Variants in RFPL1 observed in about 807,000 individuals in gnomAD.
The protein encoded by RFPL1 is ret finger protein-like 1.
RFPL1 carries 6 observed loss-of-function variants against 9.6 expected under a neutral mutation model. That is an observed-to-expected ratio of 0.62 (90% CI 0.34 to 1.23). RFPL1 has a LOEUF of 1.23. Ranked by LOEUF, RFPL1 falls within the 50% of genes most tolerant of loss-of-function variation. RFPL1 has a pLI of 0.03. For missense variants in RFPL1, 352 were observed against 398.4 expected (o/e 0.88, Z 0.99); for synonymous variants, 145 against 149.4 (o/e 0.97, Z 0.22).
the RFPL1 span, among the ~76,000 whole-genome samples, chr22:29,395,778 G>A: frequency 6.6e-6 from 1 of 152,098 alleles, no homozygotes; most frequent in African/African-American, 2.4e-5. Flanking sequence ...TTCCAGACCA[G>A]CCTGGCCAAT....
chr22:29,420,229 T>C, the RFPL1 span, among the ~76,000 whole-genome samples: 38 of 152,342 alleles, frequency 2.5e-4, no homozygotes, highest in African/African-American at 8.4e-4. Context: ...AACTTCATGA[T>C]GTGAGAAAAA....
At chr22:29,428,872 T>C in the RFPL1 span, among the ~76,000 whole-genome samples, 1 of 152,080 alleles carries the variant, frequency 6.6e-6, no homozygotes, top group East Asian at 1.9e-4. Context: ...TAGCAATAAA[T>C]GCTGACAGCA....
At chr22:29,434,332 A>G (rs569335597), upstream of RFPL1, 2 of 152,412 alleles carry the variant, frequency 1.3e-5, no homozygotes, top group East Asian at 3.9e-4. Context: ...ACTATGAACA[A>G]GAGGGATTTG....
upstream of RFPL1, among the ~76,000 whole-genome samples, chr22:29,434,103 C>A (rs1182186183): frequency 6.6e-6 from 1 of 152,146 alleles, no homozygotes; most frequent in African/African-American, 2.4e-5. Flanking sequence ...CCTCCCACCT[C>A]AATCTCCCAA....
upstream of RFPL1, chr22:29,434,413 T>C: frequency 6.4e-6 from 1 of 155,058 alleles, no homozygotes; most frequent in South Asian, 2.1e-4. Flanking sequence ...TTCTATTTGC[T>C]GATTTACCTT....
chr22:29,406,729 C>G, the RFPL1 span, among the ~76,000 whole-genome samples: 1 of 152,192 alleles, frequency 6.6e-6, no homozygotes, highest in Non-Finnish European at 1.5e-5. Flanking sequence ...TATCCTCTGC[C>G]AGCAACATGT....
chr22:29,442,204 C>T (rs553887798), exon 2 of RFPL1: 9 of 1,030,628 alleles, frequency 8.7e-6, no homozygotes, highest in East Asian at 4.9e-5. Context: ...TCGGTAAAAG[C>T]GTTATACAAA....
chr22:29,388,739 T>C, the RFPL1 span, among the ~76,000 whole-genome samples: 4 of 152,166 alleles, frequency 2.6e-5, no homozygotes, highest in African/African-American at 4.8e-5. Flanking sequence ...CGCAGAGCCC[T>C]TGGGAAACCA....
chr22:29,436,955 A>G (rs554134392), upstream of RFPL1: 1 of 152,486 alleles, frequency 6.6e-6, no homozygotes, highest in East Asian at 1.9e-4. Flanking sequence ...CCCACTACAC[A>G]GAAAGGCATG....
chr22:29,400,852 C>T, the RFPL1 span, among the ~76,000 whole-genome samples: 2 of 152,174 alleles, frequency 1.3e-5, no homozygotes, highest in Non-Finnish European at 2.9e-5. Context: ...AAATATGGCT[C>T]TGTTGATTGG....
At chr22:29,410,507 AG>A in the RFPL1 span, among the ~76,000 whole-genome samples, 1 of 115,692 alleles carries the variant, frequency 8.6e-6, no homozygotes, top group Non-Finnish European at 1.7e-5. Flanking sequence ...CTATATATAG[AG>A]AGATATATAT....
chr22:29,395,567 A>G, the RFPL1 span, among the ~76,000 whole-genome samples: 1 of 152,122 alleles, frequency 6.6e-6, no homozygotes, highest in Non-Finnish European at 1.5e-5. Flanking sequence ...TCTTCCCAGT[A>G]GCAAATTCCT....
the RFPL1 span, among the ~76,000 whole-genome samples, chr22:29,429,586 C>A: frequency 1.3e-5 from 2 of 152,018 alleles, no homozygotes; most frequent in Non-Finnish European, 2.9e-5. Context: ...GATTCCTGGG[C>A]ACATATAACC....
chr22:29,437,360 C>T (rs1343342398), upstream of RFPL1: 1 of 401,204 alleles, frequency 2.5e-6, no homozygotes, highest in Non-Finnish European at 4.5e-6. Context: ...AGCTTGAAGC[C>T]TACAACATAT....
At chr22:29,405,143 A>G in the RFPL1 span, among the ~76,000 whole-genome samples, 2 of 152,220 alleles carry the variant, frequency 1.3e-5, no homozygotes, top group Non-Finnish European at 2.9e-5. Flanking sequence ...TGGTCACAAC[A>G]TTGATTAAAA....
At chr22:29,398,684 G>T in the RFPL1 span, among the ~76,000 whole-genome samples, 2 of 152,196 alleles carry the variant, frequency 1.3e-5, no homozygotes, top group Admixed American at 6.5e-5. Context: ...TGCACTATGC[G>T]TGGTGCACAA....
At chr22:29,397,097 G>T in the RFPL1 span, among the ~76,000 whole-genome samples, 1 of 146,718 alleles carries the variant, frequency 6.8e-6, no homozygotes, top group Non-Finnish European at 1.5e-5. Flanking sequence ...TTTTAGTAGA[G>T]ATGGTGTTTC....
the RFPL1 span, among the ~76,000 whole-genome samples, chr22:29,398,676 C>A: frequency 6.6e-6 from 1 of 152,212 alleles, no homozygotes; most frequent in African/African-American, 2.4e-5. Context: ...GGAGGCAATG[C>A]ACTATGCGTG....
chr22:29,412,713 C>CT, the RFPL1 span, among the ~76,000 whole-genome samples: 5 of 152,276 alleles, frequency 3.3e-5, no homozygotes, highest in Admixed American at 6.5e-5. Flanking sequence ...GAGATGAGTT[C>CT]TAGATCACCC....
Sources: gnomAD v4.1 joint callset for allele counts (sites outside exome capture counted in the v4.1 genomes callset) on GRCh38, gnomAD v4.1.1 for gene constraint, MANE v1.5 for transcripts, NCBI Gene and HGNC (gene_info 2026-07-23, HGNC 2026-07-21) for gene names.